The following CLYBL variants were observed in gnomAD, a reference collection of about 807,000 sequenced individuals.
The protein encoded by CLYBL is citramalyl-CoA lyase, mitochondrial.
A neutral mutation model predicts 38.9 loss-of-function variants in CLYBL; 31 were observed. That is an observed-to-expected ratio of 0.80 (90% CI 0.60 to 1.08). The LOEUF is 1.08. Among genes scored for constraint, CLYBL ranks in the 50% least tolerant of loss-of-function variants. The pLI is 0.00. For missense variants in CLYBL, 434 were observed against 411.6 expected (o/e 1.05, Z -0.47); for synonymous variants, 171 against 158.6 (o/e 1.08, Z -0.59).
chr13:99,613,164 T>G (rs2046655928), intron 1 of CLYBL, among the ~76,000 whole-genome samples: 2 of 152,142 alleles, frequency 1.3e-5, no homozygotes, highest in African/African-American at 4.8e-5. Context: ...GATACTCTGT[T>G]TCTGTTTTCT....
intron 1 of CLYBL, among the ~76,000 whole-genome samples, chr13:99,632,209 C>T (rs1480241854): frequency 6.6e-6 from 1 of 152,150 alleles, no homozygotes; most frequent in Non-Finnish European, 1.5e-5. Context: ...TATGAAATTG[C>T]ACAAATCCTT....
downstream of CLYBL, chr13:99,894,615 T>G (rs1415456680): frequency 6.6e-6 from 1 of 151,528 alleles, no homozygotes; most frequent in Non-Finnish European, 1.5e-5. Context: ...ACTGTATGTA[T>G]GCAAAGCCCC....
intron 2 of CLYBL, among the ~76,000 whole-genome samples, chr13:99,823,674 A>G (rs1204287757): frequency 6.6e-6 from 1 of 152,146 alleles, no homozygotes. Context: ...TGAATATTTC[A>G]TTGTCTGGAT....
rs546535470 is a variant in CLYBL at position 99,683,278 on chromosome 13, C to A, written c.62+76521C>A. 3.3e-5 allele frequency among the ~76,000 whole-genome samples: 5 copies of A among 150,480 alleles called. 2 individuals carry two copies. The South Asian group carries it at 1.1e-3, about 34-fold the overall frequency. On this transcript the variant is annotated intron_variant, in intron 1 of 8. Transcript: ENST00000339105. ...TGTGTTTTTAGTAGAGACATGGTTTCACCATTTTGGCCAGGCTGGTCTCGA... is the reference window on the plus strand; with the variant it reads ...TGTGTTTTTAGTAGAGACATGGTTTAACCATTTTGGCCAGGCTGGTCTCGA...
chr13:99,768,493 T>TC, intron 1 of CLYBL, among the ~76,000 whole-genome samples: 1 of 98,888 alleles, frequency 1.0e-5, no homozygotes, highest in African/African-American at 4.1e-5. Context: ...GCGCCCGACC[T>TC]CTTTTTTTTT....
rs954548843 is a variant in CLYBL, at chr13:99,745,856, A to G, written c.63-26968A>G. On this transcript the variant is annotated intron_variant, in intron 1 of 8. Transcript: ENST00000339105. ...TATTAAACTCTCCCAAAAATGTACA[A>G]ATCAGAATAATCAAGGGACTGTGGC... Among the ~76,000 whole-genome samples, 4 of 149,740 alleles carry G rather than the reference A, an allele frequency of 2.7e-5. No homozygotes were observed. The Admixed American group carries it at 2.7e-4, about 10-fold the overall frequency.
intron 1 of CLYBL, among the ~76,000 whole-genome samples, chr13:99,747,125 C>G (rs908047897): frequency 1.3e-5 from 2 of 152,108 alleles, no homozygotes. Context: ...AGGCAAATAC[C>G]CACTAACAGG....
At chr13:99,880,050 G>GTGTA (rs1555324322) in intron 7 of CLYBL, among the ~76,000 whole-genome samples, 1 of 97,596 alleles carries the variant, frequency 1.0e-5, no homozygotes, top group Admixed American at 1.3e-4. Flanking sequence ...ATGTGTGTAT[G>GTGTA]TATATATATA....
chr13:99,899,262 T>G (rs997273463), downstream of CLYBL, among the ~76,000 whole-genome samples: 3 of 152,130 alleles, frequency 2.0e-5, no homozygotes, highest in African/African-American at 7.2e-5. Flanking sequence ...CCCCCCACCA[T>G]TTTGGCCAGA....
chr13:99,734,998 A>G (rs1483241873), intron 1 of CLYBL, among the ~76,000 whole-genome samples: 1 of 152,232 alleles, frequency 6.6e-6, no homozygotes, highest in Non-Finnish European at 1.5e-5. Flanking sequence ...CAGCGCATAT[A>G]TAACATCTTC....
rs149813055 is a variant in CLYBL, at chr13:99,795,689, T to C, written c.249+22679T>C. ...AAAACAAAAACTCTCCCTAAACATC[T>C]GTCAAAAGAGCTCAAAAGCCTAGAG... is the stretch of plus-strand genomic sequence containing the variant. On this transcript the variant is annotated intron_variant, in intron 2 of 8. Coordinates refer to ENST00000339105, the MANE Select transcript of CLYBL (RefSeq NM_206808.5). Among the ~76,000 whole-genome samples, 290 of 152,124 alleles carry C rather than the reference T, an allele frequency of 1.9e-3. 1 individual carries two copies. Among genetic ancestry groups the C allele is most frequent in the African/African-American group, 6.6e-3 (274 of 41,506 alleles).
chr13:99,618,705 C>G (rs1224929213), intron 1 of CLYBL, among the ~76,000 whole-genome samples: 1 of 152,158 alleles, frequency 6.6e-6, no homozygotes, highest in Non-Finnish European at 1.5e-5. Flanking sequence ...AACACTAACT[C>G]CCTGTTCCCT....
At chr13:99,703,726 T>C (rs986825857) in intron 1 of CLYBL, among the ~76,000 whole-genome samples, 3 of 152,180 alleles carry the variant, frequency 2.0e-5, no homozygotes, top group Middle Eastern at 3.2e-3. Flanking sequence ...AGAAAGATTA[T>C]CTATATTTTT....
At chr13:99,831,372 C>G (rs79675964) in intron 2 of CLYBL, among the ~76,000 whole-genome samples, 5 of 151,984 alleles carry the variant, frequency 3.3e-5, no homozygotes, top group African/African-American at 1.2e-4. Context: ...CATGGTTGTT[C>G]TTACTAATAA....
intron 1 of CLYBL, among the ~76,000 whole-genome samples, chr13:99,691,747 G>T (rs2047906247): frequency 6.6e-6 from 1 of 152,124 alleles, no homozygotes; most frequent in Admixed American, 6.5e-5. Context: ...CCCTTCTTCC[G>T]CAGTCACCTG....
At chr13:99,770,568 C>A (rs544604527) in intron 1 of CLYBL, among the ~76,000 whole-genome samples, 17 of 151,784 alleles carry the variant, frequency 1.1e-4, no homozygotes, top group Non-Finnish European at 2.4e-4. Flanking sequence ...CCGCCCGTCT[C>A]GGCCTCCCAA....
chr13:99,884,149 G>A (rs1276849322), intron 7 of CLYBL, among the ~76,000 whole-genome samples: 2 of 152,104 alleles, frequency 1.3e-5, no homozygotes, highest in African/African-American at 2.4e-5. Flanking sequence ...CACTGGCCCC[G>A]ACATTACCAG....
intron 8 of CLYBL, among the ~76,000 whole-genome samples, chr13:99,903,424 G>A (rs1457547914): frequency 6.6e-6 from 1 of 151,740 alleles, no homozygotes; most frequent in South Asian, 2.1e-4. Context: ...ACTCGCACAC[G>A]CACACACACA....
intron 1 of CLYBL, among the ~76,000 whole-genome samples, chr13:99,737,979 G>A (rs1334474029): frequency 6.6e-6 from 1 of 152,156 alleles, no homozygotes; most frequent in Non-Finnish European, 1.5e-5. Context: ...GAGCTTCATG[G>A]TAATTGAGAA....
Sources: allele counts gnomAD v4.1 joint callset (sites outside exome capture counted in the v4.1 genomes callset), GRCh38; gene constraint gnomAD v4.1.1; transcripts MANE v1.5; gene names NCBI Gene and HGNC (gene_info 2026-07-23, HGNC 2026-07-21).